Variants in PADI2 observed in about 807,000 individuals in gnomAD.
The protein encoded by PADI2 is peptidyl arginine deiminase 2.
PADI2 carries 70 observed loss-of-function variants against 81.1 expected under a neutral mutation model. That is an observed-to-expected ratio of 0.86 (90% confidence interval 0.71 to 1.05). The LOEUF is 1.05. Ranked by LOEUF, PADI2 falls within the 50% of genes least tolerant of loss-of-function variation. The probability of loss-of-function intolerance (pLI) is 0.00; values close to 1 mark genes in which losing one functional copy is unlikely to be tolerated. For synonymous variants in PADI2, 338 were observed against 358.0 expected, an observed-to-expected ratio of 0.94 and a Z score of 0.63; for missense variants, 853 against 889.9, an observed-to-expected ratio of 0.96 and a Z score of 0.53.
intron 1 of PADI2, among the ~76,000 whole-genome samples, chr1:17,106,979 A>G (rs1931403574): frequency 6.6e-6 from 1 of 150,546 alleles, no homozygotes. Flanking sequence ...GAGAAGATGA[A>G]TTTGTTTTTA....
chr1:17,108,904 G>A (rs1931476268), intron 1 of PADI2, among the ~76,000 whole-genome samples: 1 of 152,224 alleles, frequency 6.6e-6, no homozygotes, highest in Non-Finnish European at 1.5e-5. Flanking sequence ...CTCAGGTCTG[G>A]GAAGCATTCC....
chr1:17,082,727 A>G, intron 9 of PADI2, 75 bp from the exon 10 acceptor site: 2 of 831,060 alleles, frequency 2.4e-6, no homozygotes, highest in Non-Finnish European at 4.0e-6. Context: ...AACTCGAGAA[A>G]CACAAGAGCA....
intron 1 of PADI2, among the ~76,000 whole-genome samples, chr1:17,112,313 A>G (rs1253389359): frequency 6.6e-6 from 1 of 151,946 alleles, no homozygotes; most frequent in African/African-American, 2.4e-5. Context: ...GTCAGTGGGG[A>G]GGGTCACTGG....
At chr1:17,086,319 G>A (rs1930414104) in intron 7 of PADI2, among the ~76,000 whole-genome samples, 1 of 152,238 alleles carries the variant, frequency 6.6e-6, no homozygotes, top group Admixed American at 6.5e-5. Flanking sequence ...AAGCAGCAAG[G>A]AGACTGATCC....
intron 11 of PADI2, among the ~76,000 whole-genome samples, chr1:17,078,269 G>A (rs575870723): frequency 3.3e-5 from 5 of 151,572 alleles, no homozygotes; most frequent in African/African-American, 9.7e-5. Flanking sequence ...GTGCCACCAC[G>A]CCCGGCTAAT....
chr1:17,087,109 G>A (rs1288815272), intron 6 of PADI2, among the ~76,000 whole-genome samples: 1 of 152,162 alleles, frequency 6.6e-6, no homozygotes, highest in African/African-American at 2.4e-5. Flanking sequence ...TAGCTGAGCT[G>A]GGACTCAGAT....
chr1:17,071,362 C>T (rs746520488), intron 14 of PADI2, 44 bp downstream of exon 14: 2 of 1,436,894 alleles, frequency 1.4e-6, no homozygotes, highest in Admixed American at 1.7e-5. Context: ...GAGCCTCATC[C>T]CTCCCAGGGG....
At chr1:17,082,036 C>T (rs772573217) in intron 10 of PADI2, among the ~76,000 whole-genome samples, 1 of 152,116 alleles carries the variant, frequency 6.6e-6, no homozygotes, top group South Asian at 2.1e-4. Context: ...TTGCTTGAAC[C>T]TGGGAGATGG....
At chr1:17,097,962 C>T (rs560579557) in intron 3 of PADI2, among the ~76,000 whole-genome samples, 11 of 152,168 alleles carry the variant, frequency 7.2e-5, no homozygotes, top group East Asian at 1.9e-4. Context: ...TTCTCCCCTG[C>T]GGGCATCCTG....
intron 1 of PADI2, among the ~76,000 whole-genome samples, chr1:17,106,957 C>T (rs1931403108): frequency 6.6e-6 from 1 of 152,050 alleles, no homozygotes. Context: ...GACTTCCAGC[C>T]TCCAGAATTG....
Position 17,103,009 on chromosome 1 carries a change from C to T in PADI2, c.327G>A (p.Ala109=), listed in dbSNP as rs369349990. The change falls in exon 3 of 16, where the codon GCG becomes GCA. Residue 109 remains alanine (A), a synonymous_variant. Transcript: ENST00000375486. The part of the protein sequence containing the change: ...DEEGSIPIDQ[A]GLFLTAIEIS... ...CACCAATGGCTGTGAGGAAGAGCCC[C>T]GCCTGGTCGATGGGAATGCTCCCTT... 3.7e-5 allele frequency: 60 copies of T among 1,613,168 alleles called. No individual in the cohort carries two copies. The highest frequency in any genetic ancestry group is 1.8e-4 in the South Asian group (16 of 90,912).
At chr1:17,111,740 C>T (rs1027094936) in intron 1 of PADI2, among the ~76,000 whole-genome samples, 1 of 152,188 alleles carries the variant, frequency 6.6e-6, no homozygotes, top group Admixed American at 6.5e-5. Flanking sequence ...TTCTAACAAG[C>T]TCCCAGGTAA....
intron 3 of PADI2, among the ~76,000 whole-genome samples, chr1:17,096,937 T>A (rs941590570): frequency 6.6e-6 from 1 of 152,230 alleles, no homozygotes; most frequent in Non-Finnish European, 1.5e-5. Flanking sequence ...TTAACAGCAC[T>A]CCTGGCTTCT....
intron 7 of PADI2, among the ~76,000 whole-genome samples, 158 bp downstream of exon 7, chr1:17,086,363 G>A (rs113857766): frequency 2.6e-5 from 4 of 152,184 alleles, no homozygotes; most frequent in African/African-American, 4.8e-5. Flanking sequence ...TGGCAGACAC[G>A]TGCAGGCTTT....
intron 3 of PADI2, among the ~76,000 whole-genome samples, chr1:17,099,639 T>G (rs1263724254): frequency 6.6e-6 from 1 of 152,130 alleles, no homozygotes; most frequent in East Asian, 1.9e-4. Context: ...TGCTCCCAAA[T>G]CCCAGAAGGA....
At chr1:17,110,799 C>T (rs920088949) in intron 1 of PADI2, among the ~76,000 whole-genome samples, 41 of 152,200 alleles carry the variant, frequency 2.7e-4, no homozygotes, top group African/African-American at 9.9e-4. Flanking sequence ...TCCATTTGCC[C>T]CCACAGTTAC....
Position 17,070,070 on chromosome 1 carries a change from G to A in PADI2, c.1764+18C>T. Reference sequence around the variant, plus strand: ...CTGTACTGGCATGGGGCGAGGGTTGGGGTCTGCAGGGCCTCACCATGTTTG... The same window carrying A: ...CTGTACTGGCATGGGGCGAGGGTTGAGGTCTGCAGGGCCTCACCATGTTTG... On this transcript the variant is annotated intron_variant, in intron 15 of 15. Transcript: ENST00000375486. 6.2e-7 allele frequency: 1 copy of A among 1,612,440 alleles called. No individual in the cohort carries two copies. The highest frequency in any genetic ancestry group is 8.5e-7 in the Non-Finnish European group (1 of 1,178,928).
intron 1 of PADI2, among the ~76,000 whole-genome samples, chr1:17,108,459 C>T (rs1363773589): frequency 3.3e-5 from 5 of 152,076 alleles, no homozygotes; most frequent in Non-Finnish European, 5.9e-5. Context: ...GCTGGGGCCA[C>T]GTTTTGCTGA....
intron 6 of PADI2, 75 bp from the exon 7 acceptor site, chr1:17,086,774 G>T: frequency 1.6e-6 from 2 of 1,272,766 alleles, no homozygotes; most frequent in Non-Finnish European, 2.2e-6. Context: ...CACCGATGGG[G>T]ACAAAAGGGC....
Sources: allele counts gnomAD v4.1 joint callset (sites outside exome capture counted in the v4.1 genomes callset), GRCh38; gene constraint gnomAD v4.1.1; transcripts MANE v1.5; gene names NCBI Gene and HGNC (gene_info 2026-07-23, HGNC 2026-07-21).